The following NUP214 variants were observed in gnomAD, a reference collection of about 807,000 sequenced individuals.
The protein encoded by NUP214 is nucleoporin 214.
In NUP214, 79 loss-of-function variants were observed where a neutral mutation model predicts 196.2. The observed-to-expected ratio is 0.40, with a 90% CI of 0.34 to 0.49. The LOEUF (loss-of-function observed/expected upper bound fraction) is 0.49, where lower values mean the gene tolerates loss of function less well. Among genes scored for constraint, NUP214 ranks in the 20% least tolerant of loss-of-function variants. The pLI is 0.58. For synonymous variants in NUP214, 1,020 were observed against 990.5 expected (o/e 1.03, Z -0.56); for missense variants, 2,468 against 2,539.0 (o/e 0.97, Z 0.60).
intron 32 of NUP214, among the ~76,000 whole-genome samples, chr9:131,223,727 A>ATTTATTTATTTATTTATTTTATTTTTT: frequency 6.4e-5 from 1 of 15,660 alleles, no homozygotes; most frequent in African/African-American, 1.5e-4. Context: ...TTATTTATTT[A>ATTTATTTATTTATTTATTTTATTTTTT]TTTTTTTTTT....
Position 131,132,206 on chromosome 9 carries a change from G to A in NUP214, c.664-390G>A, listed in dbSNP as rs537772744. Reference sequence around the variant, plus strand: ...GTGATTTCAGCTCACCGCAACCTATGCCTCCTGGGTTCAAGCAGTTCTCCT... The same window carrying A: ...GTGATTTCAGCTCACCGCAACCTATACCTCCTGGGTTCAAGCAGTTCTCCT... On this transcript the variant is annotated intron_variant, in intron 5 of 35. Coordinates refer to ENST00000359428, the MANE Select transcript of NUP214 (RefSeq NM_005085.4). Among the ~76,000 whole-genome samples the A allele has an allele frequency of 2.9e-5, 4 of 137,592 alleles. No homozygotes were observed. The South Asian group carries it at 8.9e-4, about 31-fold the overall frequency. The allele number at this position is 137,592 out of a possible 152,430, so 90.3% of individuals were successfully genotyped here.
intron 30 of NUP214, among the ~76,000 whole-genome samples, chr9:131,204,980 C>T (rs1256682821): frequency 6.6e-6 from 1 of 152,184 alleles, no homozygotes; most frequent in African/African-American, 2.4e-5. Context: ...AACTGGCCAC[C>T]TAGCATTTCT....
chr9:131,173,985 A>G (rs1429767649), intron 21 of NUP214, 70 bp from the exon 22 acceptor site: 2 of 1,516,544 alleles, frequency 1.3e-6, no homozygotes, highest in Admixed American at 2.2e-5. Flanking sequence ...TTTTATCAAC[A>G]GTGAAAATTA....
chr9:131,215,476 A>G, intron 31 of NUP214, 108 bp downstream of exon 31: 1 of 1,227,786 alleles, frequency 8.1e-7, no homozygotes, highest in Non-Finnish European at 1.1e-6. Context: ...AAAAATCTAG[A>G]AGGCTCATTT....
At chr9:131,126,483 G>T (rs1040173185) in intron 1 of NUP214, 1 of 152,042 alleles carries the variant, frequency 6.6e-6, no homozygotes, top group Admixed American at 6.5e-5. Context: ...AAGATTTTAG[G>T]CATCTGTGTG....
intron 8 of NUP214, 54 bp downstream of exon 8, chr9:131,135,058 G>C: frequency 8.4e-7 from 1 of 1,184,150 alleles, no homozygotes; most frequent in Non-Finnish European, 1.3e-6. Flanking sequence ...GATCACACCT[G>C]AGTCACCTTG....
intron 32 of NUP214, among the ~76,000 whole-genome samples, chr9:131,225,796 T>C (rs1200863321): frequency 6.6e-6 from 1 of 152,172 alleles, no homozygotes; most frequent in Non-Finnish European, 1.5e-5. Context: ...TTAAGAGAGA[T>C]TTTAAGTTGA....
chr9:131,193,028 G>T (rs1833656570), intron 27 of NUP214, among the ~76,000 whole-genome samples: 1 of 151,038 alleles, frequency 6.6e-6, no homozygotes, highest in South Asian at 2.1e-4. Context: ...AAGATAATAG[G>T]CATTTGAAAT....
chr9:131,148,404 T>C (rs1369855499), intron 14 of NUP214, among the ~76,000 whole-genome samples: 1 of 152,240 alleles, frequency 6.6e-6, no homozygotes, highest in Non-Finnish European at 1.5e-5. Flanking sequence ...AGCCATTGTA[T>C]GTAGCACTGC....
intron 18 of NUP214, 66 bp downstream of exon 18, chr9:131,159,552 A>G: frequency 1.5e-6 from 2 of 1,328,914 alleles, no homozygotes; most frequent in South Asian, 1.2e-5. Flanking sequence ...TAAAAAGGTT[A>G]TTTAGGAACA....
In NUP214 at chr9:131,174,121, C is replaced by T. The variant is rs147603698; in HGVS notation, c.2960C>T (p.Thr987Met). The T allele has an allele frequency of 6.8e-6, 11 of 1,613,904 alleles. No individual in the cohort carries two copies. The highest frequency in any genetic ancestry group is 2.2e-5 in the East Asian group (1 of 44,884). The change falls in exon 22 of 36, where the codon ACG becomes ATG. Residue 987 changes from threonine (T) to methionine (M), a missense_variant. Transcript: ENST00000359428. ...GAAGACTTGGATGAAGTCAGCTCAA[C>T]GTCATCTGTCTCCCAGTCTCTGGAG... Reference protein sequence around the residue: ...YYEDLDEVSSTSSVSQSLESE... With the variant: ...YYEDLDEVSSMSSVSQSLESE...
chr9:131,233,545 C>A lies in NUP214; in HGVS notation c.*58C>A. The A allele has an allele frequency of 1.2e-6, 2 of 1,601,798 alleles. No individual in the cohort carries two copies. Among genetic ancestry groups the A allele is most frequent in the South Asian group, 1.1e-5 (1 of 90,698 alleles). ...CCAACCGCATCCTCAGCTTCTTCCC[C>A]GAGAAATGCTGGAGCAGGCTGTTCA... On this transcript the variant is annotated 3_prime_UTR_variant, in exon 36 of 36. Coordinates refer to ENST00000359428, the MANE Select transcript of NUP214 (RefSeq NM_005085.4).
At position 131,198,115 on chromosome 9, in the gene NUP214, C is replaced by T; in HGVS notation, c.4621C>T (p.Pro1541Ser). The T allele has an allele frequency of 1.9e-6, 3 of 1,614,206 alleles. No homozygotes were observed. Among genetic ancestry groups the T allele is most frequent in the Non-Finnish European group, 2.5e-6 (3 of 1,180,036 alleles). ...PQTSDSVKKEPVLAQPAVSNS... is the reference protein window; with the variant it reads ...PQTSDSVKKESVLAQPAVSNS... Reference sequence around the variant, plus strand: ...AACTTCTGACTCTGTTAAAAAAGAACCTGTTCTTGCCCAGCCTGCAGTCAG... The same window carrying T: ...AACTTCTGACTCTGTTAAAAAAGAATCTGTTCTTGCCCAGCCTGCAGTCAG... The change falls in exon 29 of 36, where the codon CCT becomes TCT. Residue 1541 changes from proline (P) to serine (S), a missense_variant. Transcript: ENST00000359428.
intron 9 of NUP214, 150 bp from the exon 10 acceptor site, chr9:131,139,131 C>A: frequency 1.2e-6 from 1 of 835,304 alleles, no homozygotes; most frequent in Non-Finnish European, 1.6e-6. Flanking sequence ...GATTTCAGAG[C>A]CTCCTAGTCA....
At chr9:131,143,833 A>G (rs1462211385) in intron 11 of NUP214, among the ~76,000 whole-genome samples, 3 of 151,466 alleles carry the variant, frequency 2.0e-5, no homozygotes, top group Non-Finnish European at 4.4e-5. Context: ...GGTCACTTCT[A>G]AATTTATCAA....
intron 23 of NUP214, among the ~76,000 whole-genome samples, chr9:131,176,938 C>CA (rs536167573): frequency 2.1e-4 from 31 of 148,204 alleles, no homozygotes; most frequent in African/African-American, 5.7e-4. Flanking sequence ...AGGAATGCTG[C>CA]AAAAAAAAAA....
chr9:131,189,114 C>G lies in NUP214; in HGVS notation c.3557C>G (p.Ser1186Cys), dbSNP rs1286363769. 1.9e-6 allele frequency: 3 copies of G among 1,614,044 alleles called. No individual in the cohort carries two copies. Among genetic ancestry groups the G allele is most frequent in the Non-Finnish European group, 2.5e-6 (3 of 1,179,928 alleles). Reference protein sequence around the residue: ...GPTPASGQLSSGDKASGTAKI... With the variant: ...GPTPASGQLSCGDKASGTAKI... ...ACACCAGCATCCGGTCAGTTATCAT[C>G]TGGTGACAAAGCTTCAGGTCAGTTT... Residue 1186 changes from serine to cysteine, a missense_variant, in exon 26 of 36, where the codon TCT becomes TGT. Transcript: ENST00000359428.
At chr9:131,190,328 G>A (rs1163710231) in intron 26 of NUP214, 2 of 584,832 alleles carry the variant, frequency 3.4e-6, no homozygotes, top group African/African-American at 3.9e-5. Flanking sequence ...GTCACTCTTG[G>A]AGTTAGAATC....
intron 16 of NUP214, 65 bp downstream of exon 16, chr9:131,150,830 C>T: frequency 1.4e-6 from 2 of 1,465,542 alleles, no homozygotes; most frequent in South Asian, 1.3e-5. Context: ...TCCTAGTACT[C>T]CATGGGGTTA....
Sources: allele counts gnomAD v4.1 joint callset (sites outside exome capture counted in the v4.1 genomes callset), GRCh38; gene constraint gnomAD v4.1.1; transcripts MANE v1.5; gene names NCBI Gene and HGNC (gene_info 2026-07-23, HGNC 2026-07-21).